CD99L2: variants seen among roughly 807,000 people sequenced by gnomAD.
CD99L2 encodes the protein CD99 antigen-like protein 2.
CD99L2 carries 24 observed loss-of-function variants against 27.3 expected under a neutral mutation model. The observed-to-expected ratio is 0.88, with a 90% CI of 0.64 to 1.24. CD99L2 has a LOEUF of 1.24. Among genes scored for constraint, CD99L2 ranks in the 50% most tolerant of loss-of-function variants. The probability of loss-of-function intolerance (pLI) is 0.00; values close to 1 mark genes in which losing one functional copy is unlikely to be tolerated. For synonymous variants in CD99L2, 97 were observed against 87.9 expected, an observed-to-expected ratio of 1.10 and a Z score of -0.58; for missense variants, 255 against 221.6, an observed-to-expected ratio of 1.15 and a Z score of -0.96.
At chrX:150,857,118 G>A in intron 1 of CD99L2, among the ~76,000 whole-genome samples, 1 of 111,449 alleles carries the variant, frequency 9.0e-6, no homozygotes, top group Non-Finnish European at 1.9e-5. Flanking sequence ...ATAATATATG[G>A]GAAATCATAA....
At chrX:150,897,823 C>G (rs1392479295) in intron 1 of CD99L2, among the ~76,000 whole-genome samples, 1 of 111,074 alleles carries the variant, frequency 9.0e-6, no homozygotes, top group Non-Finnish European at 1.9e-5. Flanking sequence ...GAATCAGACT[C>G]AGTAGGTCGG....
At chrX:150,778,488 GGCTGTGCACATGT>G (rs2045445171) in intron 7 of CD99L2, among the ~76,000 whole-genome samples, 1 of 102,127 alleles carries the variant, frequency 9.8e-6, no homozygotes, top group Non-Finnish European at 2.0e-5. Context: ...TAGTTGGGGA[GGCTGTGCACATGT>G]GGGGGTGGGG....
rs782336785 is a variant in CD99L2, at chrX:150,882,112, G to A, written c.67+16410C>T. On this transcript the variant is annotated intron_variant, in intron 1 of 10. Coordinates refer to ENST00000370377, the MANE Select transcript of CD99L2 (RefSeq NM_031462.4). ...ATTACAGGCGTGAGCCACCGCGCCCGGACTACTCTTTCCAATCTTAACTCT... is the reference window on the plus strand; with the variant it reads ...ATTACAGGCGTGAGCCACCGCGCCCAGACTACTCTTTCCAATCTTAACTCT... Among the ~76,000 whole-genome samples the A allele has an allele frequency of 3.9e-4, 43 of 110,906 alleles. No homozygotes were observed. In the South Asian group the frequency reaches 4.3e-3, roughly 11 times the overall value.
In CD99L2 at chrX:150,848,616, A is replaced by T. The variant is rs782303071; in HGVS notation, c.68-17323T>A. On this transcript the variant is annotated intron_variant, in intron 1 of 10. Coordinates refer to ENST00000370377, the MANE Select transcript of CD99L2 (RefSeq NM_031462.4). ...TAAAAATCAAAATTCAGAAAGACAA[A>T]GCCAATTATCTCAAGGCATGTTAAC... 1.2e-4 allele frequency among the ~76,000 whole-genome samples: 13 copies of T among 110,864 alleles called. No homozygotes were observed. The South Asian group carries it at 5.0e-3, about 43-fold the overall frequency.
At chrX:150,780,024 GCTAGTAT>G (rs2045483997) in intron 7 of CD99L2, among the ~76,000 whole-genome samples, 1 of 112,001 alleles carries the variant, frequency 8.9e-6, no homozygotes, top group Non-Finnish European at 1.9e-5. Context: ...CTGATAAGGA[GCTAGTAT>G]TGAGAATATA....
chrX:150,784,204 G>A (rs1414394523), intron 7 of CD99L2, among the ~76,000 whole-genome samples: 2 of 110,673 alleles, frequency 1.8e-5, no homozygotes, highest in South Asian at 4.0e-4. Context: ...AATTTATCAA[G>A]AGTCTTCTGA....
chrX:150,828,802 T>C (rs1465324478), intron 2 of CD99L2: 2 of 111,798 alleles, frequency 1.8e-5, no homozygotes, highest in African/African-American at 6.5e-5. Context: ...TGACAGTGCA[T>C]AATGGCAAAT....
At chrX:150,855,237 G>A (rs2046856380) in intron 1 of CD99L2, among the ~76,000 whole-genome samples, 1 of 112,158 alleles carries the variant, frequency 8.9e-6, no homozygotes, top group African/African-American at 3.2e-5. Flanking sequence ...GTTAAGGTGA[G>A]GTCATACTGG....
intron 10 of CD99L2, among the ~76,000 whole-genome samples, chrX:150,769,689 G>T (rs781845357): frequency 2.0e-5 from 2 of 99,968 alleles, no homozygotes; most frequent in Non-Finnish European, 3.9e-5. Flanking sequence ...GCGCCACCAG[G>T]CCTCGGCTGC....
At chrX:150,814,814 A>G in intron 4 of CD99L2, 48 bp downstream of exon 4, 1 of 1,090,044 alleles carries the variant, frequency 9.2e-7, no homozygotes, top group Non-Finnish European at 1.3e-6. Flanking sequence ...TTGATGTTGT[A>G]ATTAATGAGA....
At chrX:150,820,264 G>GA (rs200178216) in intron 2 of CD99L2, among the ~76,000 whole-genome samples, 75 of 85,233 alleles carry the variant, frequency 8.8e-4, no homozygotes, top group Admixed American at 1.0e-3. Flanking sequence ...AATGGAAGGA[G>GA]AAAAAAAAAA....
At chrX:150,862,067 A>G (rs2046988346) in intron 1 of CD99L2, among the ~76,000 whole-genome samples, 1 of 112,149 alleles carries the variant, frequency 8.9e-6, no homozygotes, top group African/African-American at 3.2e-5. Context: ...GAAATTGAGC[A>G]ATAATGGTAG....
intron 7 of CD99L2, among the ~76,000 whole-genome samples, chrX:150,783,266 C>A (rs940564547): frequency 9.0e-6 from 1 of 111,216 alleles, no homozygotes; most frequent in Admixed American, 9.5e-5. Context: ...CAAACCTGCA[C>A]GTTCTGCACA....
intron 7 of CD99L2, among the ~76,000 whole-genome samples, chrX:150,782,217 A>T (rs1557419447): frequency 8.9e-6 from 1 of 112,834 alleles, no homozygotes; most frequent in Admixed American, 9.3e-5. Flanking sequence ...AAAAATGGCC[A>T]AAGTGCAAAA....
chrX:150,879,237 A>G (rs1208477896), intron 1 of CD99L2, among the ~76,000 whole-genome samples: 2 of 112,095 alleles, frequency 1.8e-5, no homozygotes, highest in Non-Finnish European at 3.8e-5. Context: ...AAAGGTAGGG[A>G]GTGGAGACCT....
At chrX:150,804,851 C>G (rs1002882410) in intron 4 of CD99L2, among the ~76,000 whole-genome samples, 8 of 110,551 alleles carry the variant, frequency 7.2e-5, no homozygotes, top group Admixed American at 6.7e-4. Flanking sequence ...AATGGACAAA[C>G]TCCTGGAAAG....
intron 1 of CD99L2, among the ~76,000 whole-genome samples, chrX:150,872,128 G>A (rs1289674292): frequency 9.0e-6 from 1 of 110,963 alleles, no homozygotes; most frequent in Non-Finnish European, 1.9e-5. Context: ...CTACTTGGGA[G>A]TCTGAGGTGG....
intron 1 of CD99L2, among the ~76,000 whole-genome samples, chrX:150,890,021 T>C (rs1197635928): frequency 8.4e-5 from 9 of 107,196 alleles, no homozygotes; most frequent in African/African-American, 1.0e-4. Context: ...GGCGTGGAGG[T>C]GGGCGCCTGT....
intron 8 of CD99L2, 70 bp downstream of exon 8, chrX:150,777,374 T>G (rs1557419285): frequency 6.0e-6 from 7 of 1,165,603 alleles, no homozygotes; most frequent in Non-Finnish European, 7.0e-6. Flanking sequence ...CTTGGCTTAG[T>G]GATTTTGGGG....
Sources: allele counts gnomAD v4.1 joint callset (sites outside exome capture counted in the v4.1 genomes callset), GRCh38; gene constraint gnomAD v4.1.1; transcripts MANE v1.5; gene names NCBI Gene and HGNC (gene_info 2026-07-23, HGNC 2026-07-21).